LHFPL2: variants seen among roughly 807,000 people sequenced by gnomAD.
The protein encoded by LHFPL2 is LHFPL tetraspan subfamily member 2, also known as LHFPL tetraspan subfamily member 2 protein.
A neutral mutation model predicts 17.5 loss-of-function variants in LHFPL2; 7 were observed. The observed-to-expected ratio is 0.40, with a 90% CI of 0.23 to 0.75. LHFPL2 has a LOEUF of 0.75. Ranked by LOEUF, LHFPL2 falls within the 30% of genes least tolerant of loss-of-function variation. LHFPL2 has a pLI of 0.37. For missense variants in LHFPL2, 241 were observed against 294.8 expected (o/e 0.82, Z 1.34); for synonymous variants, 134 against 116.2 (o/e 1.15, Z -0.99).
At chr5:78,567,003 G>A (rs1243914503) in intron 2 of LHFPL2, among the ~76,000 whole-genome samples, 3 of 152,002 alleles carry the variant, frequency 2.0e-5, no homozygotes, top group Admixed American at 2.0e-4. Flanking sequence ...CTTCAACCTT[G>A]GTACTGTTCA....
intron 4 of LHFPL2, among the ~76,000 whole-genome samples, chr5:78,505,932 A>G (rs1294402353): frequency 6.6e-6 from 1 of 152,246 alleles, no homozygotes; most frequent in African/African-American, 2.4e-5. Context: ...AAGTGAGGCA[A>G]ATTGGTCCGT....
intron 2 of LHFPL2, among the ~76,000 whole-genome samples, chr5:78,575,777 C>T (rs1401296541): frequency 1.3e-5 from 2 of 152,104 alleles, no homozygotes; most frequent in African/African-American, 4.8e-5. Flanking sequence ...AGAAGAAAAA[C>T]AAAGGGAAGA....
intron 3 of LHFPL2, among the ~76,000 whole-genome samples, chr5:78,562,070 C>T (rs1411645022): frequency 1.3e-5 from 2 of 152,216 alleles, no homozygotes; most frequent in Non-Finnish European, 2.9e-5. Context: ...AGAGCAACCC[C>T]TCAGACTCCA....
intron 3 of LHFPL2, among the ~76,000 whole-genome samples, chr5:78,536,294 G>A (rs1042673046): frequency 3.3e-5 from 5 of 152,116 alleles, no homozygotes; most frequent in African/African-American, 7.2e-5. Flanking sequence ...GCAGTCGGCC[G>A]GGCGCCCAGA....
intron 2 of LHFPL2, among the ~76,000 whole-genome samples, chr5:78,571,649 A>G (rs1757003505): frequency 2.0e-5 from 3 of 152,116 alleles, no homozygotes; most frequent in South Asian, 2.1e-4. Context: ...ACAGATATTC[A>G]TACTCATCCC....
intron 3 of LHFPL2, among the ~76,000 whole-genome samples, chr5:78,514,933 G>A (rs370202816): frequency 3.3e-5 from 5 of 152,192 alleles, no homozygotes; most frequent in Non-Finnish European, 7.4e-5. Flanking sequence ...ACATTTTCCC[G>A]TATTTGTTCC....
intron 2 of LHFPL2, among the ~76,000 whole-genome samples, chr5:78,572,076 C>T (rs1757013211): frequency 6.6e-6 from 1 of 152,110 alleles, no homozygotes; most frequent in Non-Finnish European, 1.5e-5. Flanking sequence ...ATAGGGAGGA[C>T]ATTTTGCTCT....
rs148335753 is a variant in LHFPL2, at chr5:78,550,471, G to A, written c.-186+14342C>T. Among the ~76,000 whole-genome samples, 264 of 152,324 alleles carry A rather than the reference G, an allele frequency of 1.7e-3. 1 individual carries two copies. The highest frequency in any genetic ancestry group is 6.8e-3 in the Middle Eastern group (2 of 294). On this transcript the variant is annotated intron_variant, in intron 3 of 4. Transcript: ENST00000380345. ...CCAAAATAGTCCCTATGCATGGAGA[G>A]GGAGAGCGCCGGAATGCAGTGAAGG...
chr5:78,534,937 T>C (rs1010485465), intron 3 of LHFPL2, among the ~76,000 whole-genome samples: 7 of 152,212 alleles, frequency 4.6e-5, no homozygotes, highest in African/African-American at 1.2e-4. Flanking sequence ...GATCTTAGAA[T>C]ATTATTTTTT....
intron 3 of LHFPL2, among the ~76,000 whole-genome samples, chr5:78,528,266 T>A (rs1755677749): frequency 6.6e-6 from 1 of 152,192 alleles, no homozygotes; most frequent in Non-Finnish European, 1.5e-5. Flanking sequence ...CACAAACCAG[T>A]ACCGGTCTGT....
At chr5:78,501,557 T>C (rs1261549104) in intron 4 of LHFPL2, among the ~76,000 whole-genome samples, 1 of 152,194 alleles carries the variant, frequency 6.6e-6, no homozygotes, top group African/African-American at 2.4e-5. Flanking sequence ...CTTTGGAGTC[T>C]AGGTCCAAAC....
intron 2 of LHFPL2, among the ~76,000 whole-genome samples, chr5:78,574,299 C>G (rs953194571): frequency 3.3e-5 from 5 of 152,218 alleles, no homozygotes; most frequent in South Asian, 2.1e-4. Flanking sequence ...CCTCCAGCAG[C>G]AGGGCAAAGG....
rs1476344422 is a variant in LHFPL2 at position 78,510,635 on chromosome 5, G to GAA, written c.-185-238_-185-237insTT. ...CTTATCTCTAGGGAGCACCATGGAA[G>GAA]GAGGCGGCCAGTGCCAGGTCCTGCT... On this transcript the variant is annotated intron_variant, in intron 3 of 4. Coordinates refer to ENST00000380345, the MANE Select transcript of LHFPL2 (RefSeq NM_005779.3). 1.7e-3 allele frequency among the ~76,000 whole-genome samples: 263 copies of GAA among 152,358 alleles called. 2 individuals are homozygous for GAA. Among genetic ancestry groups the GAA allele is most frequent in the Non-Finnish European group, 2.8e-3 (188 of 68,026 alleles).
In LHFPL2 at chr5:78,523,170, C is replaced by A. The variant is rs76080152; in HGVS notation, c.-185-12772G>T. On this transcript the variant is annotated intron_variant, in intron 3 of 4. Coordinates refer to ENST00000380345, the MANE Select transcript of LHFPL2 (RefSeq NM_005779.3). ...CAAGTAAAAATGGAAAATGAAGGGG[C>A]GAGTGATTTTTTAACCCAGGCATAT... Among the ~76,000 whole-genome samples, 48 of 151,342 alleles carry A rather than the reference C, an allele frequency of 3.2e-4. 1 individual carries two copies. In the Middle Eastern group the frequency reaches 0.021, roughly 65 times the overall value.
intron 3 of LHFPL2, among the ~76,000 whole-genome samples, chr5:78,542,253 TCCCTTGAGAGGCTCCAG>T (rs1490481760): frequency 6.6e-6 from 1 of 152,032 alleles, no homozygotes; most frequent in Non-Finnish European, 1.5e-5. Flanking sequence ...CCCAGTGGGG[TCCCTTGAGAGGCTCCAG>T]TTTCTGAATG....
At position 78,605,344 on chromosome 5, in the gene LHFPL2, T is replaced by C. The variant is rs974563855; in HGVS notation, c.-245+26920A>G. 2.6e-5 allele frequency among the ~76,000 whole-genome samples: 4 copies of C among 152,184 alleles called. No homozygotes were observed. In the East Asian group the frequency reaches 7.7e-4, roughly 29 times the overall value. ...GCATCAGGATCAAGACCAGCACTGATGCACTGCCTGGACTCTGAGCAGGGT... is the reference window on the plus strand; with the variant it reads ...GCATCAGGATCAAGACCAGCACTGACGCACTGCCTGGACTCTGAGCAGGGT... On this transcript the variant is annotated intron_variant, in intron 2 of 4. Coordinates refer to ENST00000380345, the MANE Select transcript of LHFPL2 (RefSeq NM_005779.3).
intron 4 of LHFPL2, among the ~76,000 whole-genome samples, chr5:78,491,483 C>A (rs1009778766): frequency 3.9e-5 from 6 of 152,114 alleles, no homozygotes; most frequent in African/African-American, 1.4e-4. Context: ...AGGTCCTGAA[C>A]CACAGCAATG....
chr5:78,574,259 G>T (rs1357715707), intron 2 of LHFPL2, among the ~76,000 whole-genome samples: 1 of 152,216 alleles, frequency 6.6e-6, no homozygotes, highest in African/African-American at 2.4e-5. Context: ...AAAGACGTGG[G>T]GAGGGTGCCC....
intron 4 of LHFPL2, among the ~76,000 whole-genome samples, chr5:78,500,839 A>AC: frequency 6.6e-6 from 1 of 152,184 alleles, no homozygotes; most frequent in Non-Finnish European, 1.5e-5. Context: ...TCTTCAGATG[A>AC]TGGCTCATCA....
Sources: allele counts gnomAD v4.1 joint callset (sites outside exome capture counted in the v4.1 genomes callset), GRCh38; gene constraint gnomAD v4.1.1; transcripts MANE v1.5; gene names NCBI Gene and HGNC (gene_info 2026-07-23, HGNC 2026-07-21).